Variants in GALNT7 observed in about 807,000 individuals in gnomAD.
The protein encoded by GALNT7 is polypeptide N-acetylgalactosaminyltransferase 7.
A neutral mutation model predicts 82.1 loss-of-function variants in GALNT7; 60 were observed. The observed-to-expected ratio is 0.73, with a 90% CI of 0.59 to 0.91. The LOEUF (loss-of-function observed/expected upper bound fraction) is 0.91. GALNT7 is among the 40% of genes least tolerant of loss of function. The pLI, the probability that GALNT7 is intolerant of heterozygous loss-of-function variation, is 0.00. For missense variants in GALNT7, 660 were observed against 804.2 expected, an observed-to-expected ratio of 0.82 and a Z score of 2.17; for synonymous variants, 243 against 275.1, an observed-to-expected ratio of 0.88 and a Z score of 1.15.
intron 1 of GALNT7, among the ~76,000 whole-genome samples, chr4:173,224,768 T>G (rs1445716884): frequency 6.6e-6 from 1 of 151,876 alleles, no homozygotes; most frequent in Non-Finnish European, 1.5e-5. Context: ...ATCCCAGCAC[T>G]TTGGGAGGCC....
chr4:173,266,719 C>T (rs1476529754), intron 2 of GALNT7, among the ~76,000 whole-genome samples: 2 of 152,162 alleles, frequency 1.3e-5, no homozygotes, highest in African/African-American at 2.4e-5. Flanking sequence ...CTGCCATTTT[C>T]GGCAACATGG....
intron 2 of GALNT7, among the ~76,000 whole-genome samples, chr4:173,266,880 T>G (rs1327438158): frequency 4.0e-5 from 5 of 125,002 alleles, no homozygotes; most frequent in African/African-American, 5.9e-5. Flanking sequence ...TGTGTGTGTG[T>G]GTGTGTGTGT....
At chr4:173,215,232 CTTTT>C (rs571862059) in intron 1 of GALNT7, among the ~76,000 whole-genome samples, 2 of 139,884 alleles carry the variant, frequency 1.4e-5, no homozygotes, top group Admixed American at 1.4e-4. Flanking sequence ...TCTTCTTCTT[CTTTT>C]TTTTTTTTTT....
At position 173,292,143 on chromosome 4, in the gene GALNT7, C is replaced by T. The variant is rs1003742158; in HGVS notation, c.623C>T (p.Thr208Ile). The T allele has an allele frequency of 1.2e-6, 2 of 1,609,974 alleles. No homozygotes were observed. The highest frequency in any genetic ancestry group is 2.7e-5 in the African/African-American group (2 of 74,828). Residue 208 changes from threonine (T) to isoleucine (I), a missense_variant, in exon 3 of 12, where the codon ACT becomes ATT. Thr to Ile is a moderately conservative substitution (Grantham distance 89). Around this residue, in one of 2 missense-constraint regions of GALNT7, gnomAD observed 527 missense variants for 683.5 expected, o/e 0.77. Transcript: ENST00000265000. The surrounding 1 kb of genome is among the most constrained non-coding windows in gnomAD (Gnocchi z 4.8). ...KYWHYDENLL[T>I]SSVVIVFHNE... ...TGGCATTATGATGAAAACTTGCTCACTTCGAGCGTTGTCATTGTCTTCCAT... is the reference window on the plus strand; with the variant it reads ...TGGCATTATGATGAAAACTTGCTCATTTCGAGCGTTGTCATTGTCTTCCAT...
chr4:173,229,001 A>G (rs778754360), intron 1 of GALNT7, among the ~76,000 whole-genome samples: 66 of 152,202 alleles, frequency 4.3e-4, no homozygotes, highest in Non-Finnish European at 8.8e-4. Flanking sequence ...TTTGGTGTCA[A>G]TTTGAAAACC....
intron 8 of GALNT7, among the ~76,000 whole-genome samples, chr4:173,305,327 A>G (rs1285871166): frequency 6.6e-6 from 1 of 152,138 alleles, no homozygotes; most frequent in African/African-American, 2.4e-5. Context: ...TATGTTACGG[A>G]TATTAGCCCT....
intron 1 of GALNT7, 141 bp from the exon 2 acceptor site, chr4:173,247,839 T>G: frequency 1.7e-6 from 1 of 593,252 alleles, no homozygotes; most frequent in Non-Finnish European, 3.0e-6. Context: ...TAATGGGAAG[T>G]CCTGATTAAT....
In GALNT7 at chr4:173,238,312, T is replaced by C. The variant is rs554057324; in HGVS notation, c.127-9668T>C. ...TAAAATATTGACTTCTATTAAAATATTTTGTGTAATTTATGATATCTCATC... is the reference window on the plus strand; with the variant it reads ...TAAAATATTGACTTCTATTAAAATACTTTGTGTAATTTATGATATCTCATC... On this transcript the variant is annotated intron_variant, in intron 1 of 11. Coordinates refer to ENST00000265000, the MANE Select transcript of GALNT7 (RefSeq NM_017423.3). 2.0e-5 allele frequency among the ~76,000 whole-genome samples: 3 copies of C among 152,318 alleles called. No individual in the cohort carries two copies. In the South Asian group the frequency reaches 6.2e-4, roughly 32 times the overall value.
At position 173,168,815 on chromosome 4, in the gene GALNT7, G is replaced by C. The variant is rs757596017; in HGVS notation, c.-21G>C. ...TGGCGGCGGCTGCGCCGGGCTGTGA[G>C]TCTCTCGCCGCCGGAGGAAGATGAG... On this transcript the variant is annotated 5_prime_UTR_variant, in exon 1 of 12. Coordinates refer to ENST00000265000, the MANE Select transcript of GALNT7 (RefSeq NM_017423.3). The C allele has an allele frequency of 2.5e-6, 4 of 1,608,440 alleles. No homozygotes were observed. The highest frequency in any genetic ancestry group is 1.7e-4 in the Middle Eastern group (1 of 5,882).
Position 173,313,943 on chromosome 4 carries a change from A to ATTT in GALNT7, c.1390-7_1390-5dup, listed in dbSNP as rs1554030028. 5.4e-5 allele frequency: 49 copies of ATTT among 899,964 alleles called. No individual in the cohort carries two copies. In the African/African-American group the frequency reaches 8.1e-4, roughly 15 times the overall value. 55.7% of individuals were successfully genotyped at this position (899,964 alleles called of 1,614,324 possible). ...TTTTTATAACGATATATATATATAT[A>ATTT]TTTTTTTTTTACAGAATTATGTTAG... On this transcript the variant is annotated splice_polypyrimidine_tract_variant and intron_variant, in intron 8 of 11. Transcript: ENST00000265000.
intron 8 of GALNT7, among the ~76,000 whole-genome samples, chr4:173,307,517 C>T (rs1223101224): frequency 1.3e-5 from 2 of 152,132 alleles, no homozygotes; most frequent in African/African-American, 4.8e-5. Flanking sequence ...ACCTCTGCTG[C>T]CATGTTGGTA....
chr4:173,202,903 C>G (rs1185982027), intron 1 of GALNT7, among the ~76,000 whole-genome samples: 2 of 152,116 alleles, frequency 1.3e-5, no homozygotes, highest in Non-Finnish European at 2.9e-5. Context: ...GTATCCTATA[C>G]TACTATATAA....
intron 1 of GALNT7, among the ~76,000 whole-genome samples, chr4:173,210,622 G>A (rs911537928): frequency 2.6e-5 from 4 of 151,542 alleles, no homozygotes; most frequent in East Asian, 1.9e-4. Flanking sequence ...TTGTAGACAC[G>A]GGGTTTCACC....
At chr4:173,198,004 T>C in intron 1 of GALNT7, among the ~76,000 whole-genome samples, 1 of 152,166 alleles carries the variant, frequency 6.6e-6, no homozygotes, top group East Asian at 1.9e-4. Context: ...TGCATTACAC[T>C]GCATTTCAAC....
At chr4:173,318,040 A>G (rs762956387) in intron 10 of GALNT7, among the ~76,000 whole-genome samples, 2 of 152,114 alleles carry the variant, frequency 1.3e-5, no homozygotes, top group Non-Finnish European at 2.9e-5. Context: ...CTCCCTAACA[A>G]TTTTTTGCAA....
intron 1 of GALNT7, among the ~76,000 whole-genome samples, chr4:173,216,124 A>AT (rs1733446592): frequency 6.6e-6 from 1 of 152,204 alleles, no homozygotes; most frequent in Non-Finnish European, 1.5e-5. Context: ...TCTAAAAAAA[A>AT]GCCCACAAGC....
intron 2 of GALNT7, among the ~76,000 whole-genome samples, chr4:173,269,360 T>C (rs1282487507): frequency 6.6e-6 from 1 of 152,134 alleles, no homozygotes; most frequent in Non-Finnish European, 1.5e-5. Context: ...CCACTTTATC[T>C]TCCACCTCCT....
At chr4:173,169,776 C>G (rs997148178) in intron 1 of GALNT7, 2 of 152,006 alleles carry the variant, frequency 1.3e-5, no homozygotes, top group Non-Finnish European at 2.9e-5. Flanking sequence ...TGCTCGGGCG[C>G]TATCCGGGGG....
At chr4:173,299,059 C>T (rs1439371460) in intron 6 of GALNT7, among the ~76,000 whole-genome samples, 1 of 152,092 alleles carries the variant, frequency 6.6e-6, no homozygotes, top group African/African-American at 2.4e-5. Context: ...TTAGTATAGC[C>T]TTCTCCTGAA....
Sources: gnomAD v4.1 joint callset for allele counts (sites outside exome capture counted in the v4.1 genomes callset) on GRCh38, gnomAD v4.1.1 for gene constraint, gnomAD v4.1.1 regional missense constraint, Gnocchi (gnomAD v3.1) non-coding constraint, MANE v1.5 for transcripts, NCBI Gene and HGNC (gene_info 2026-07-23, HGNC 2026-07-21) for gene names.